PCSK2: variants seen among roughly 807,000 people sequenced by gnomAD.
The protein encoded by PCSK2 is neuroendocrine convertase 2.
PCSK2 carries 14 observed loss-of-function variants against 69.7 expected under a neutral mutation model. The observed-to-expected ratio is 0.20, with a 90% confidence interval of 0.13 to 0.31. The LOEUF (loss-of-function observed/expected upper bound fraction) is 0.31. Ranked by LOEUF, PCSK2 falls within the 10% of genes least tolerant of loss-of-function variation. The probability of loss-of-function intolerance (pLI) is 1.00; values close to 1 mark genes in which losing one functional copy is unlikely to be tolerated. For missense variants in PCSK2, 544 were observed against 842.5 expected, an observed-to-expected ratio of 0.65 and a Z score of 4.39; for synonymous variants, 307 against 320.7, an observed-to-expected ratio of 0.96 and a Z score of 0.46.
intron 5 of PCSK2, among the ~76,000 whole-genome samples, chr20:17,402,837 G>C (rs180783558): frequency 0.013 from 1,944 of 151,540 alleles, 17 homozygotes; most frequent in Non-Finnish European, 0.02. Context: ...GGCTCCTGTA[G>C]TCCCAGCTAC....
At chr20:17,331,239 G>C (rs1347434873) in intron 2 of PCSK2, among the ~76,000 whole-genome samples, 1 of 152,144 alleles carries the variant, frequency 6.6e-6, no homozygotes, top group African/African-American at 2.4e-5. Flanking sequence ...CCTTCATAAA[G>C]TATGTAAAAG....
At chr20:17,301,151 A>G (rs563062923) in intron 2 of PCSK2, among the ~76,000 whole-genome samples, 9 of 152,368 alleles carry the variant, frequency 5.9e-5, no homozygotes, top group Admixed American at 4.6e-4. Flanking sequence ...ATAAGCAAAG[A>G]GAGCAAATGT....
intron 5 of PCSK2, among the ~76,000 whole-genome samples, chr20:17,396,244 C>T (rs1479835474): frequency 6.6e-6 from 1 of 152,194 alleles, no homozygotes; most frequent in Admixed American, 6.5e-5. Context: ...TGACTGTACA[C>T]CCAGTCTTTG....
chr20:17,395,968 A>G lies in PCSK2; in HGVS notation c.544-13295A>G, dbSNP rs114221608. On this transcript the variant is annotated intron_variant, in intron 5 of 11. Coordinates refer to ENST00000262545, the MANE Select transcript of PCSK2 (RefSeq NM_002594.5). ...AACTAGTGTCTCTGTCTCTCTCAGG[A>G]CATCTGGACTCAAAGGTAGTGGCCT... Among the ~76,000 whole-genome samples, 384 of 152,264 alleles carry G rather than the reference A, an allele frequency of 2.5e-3. 4 individuals carry two copies. The highest frequency in any genetic ancestry group is 8.7e-3 in the African/African-American group (360 of 41,548).
chr20:17,354,763 T>C (rs2030136874), intron 2 of PCSK2, among the ~76,000 whole-genome samples: 1 of 152,176 alleles, frequency 6.6e-6, no homozygotes, highest in African/African-American at 2.4e-5. Context: ...TATGGTAGGA[T>C]ACTCAGTGAA....
At chr20:17,295,791 A>G (rs568400223) in intron 2 of PCSK2, among the ~76,000 whole-genome samples, 3 of 152,138 alleles carry the variant, frequency 2.0e-5, no homozygotes, top group Admixed American at 6.5e-5. Context: ...CTTGGCCTCA[A>G]GTGATCCTCC....
intron 6 of PCSK2, among the ~76,000 whole-genome samples, chr20:17,411,921 G>A (rs2031884124): frequency 1.3e-5 from 2 of 152,092 alleles, no homozygotes; most frequent in South Asian, 2.1e-4. Flanking sequence ...GCCTCCAACA[G>A]CCTGCAGCTG....
intron 2 of PCSK2, among the ~76,000 whole-genome samples, chr20:17,274,195 T>C (rs936143603): frequency 6.6e-6 from 1 of 152,140 alleles, no homozygotes; most frequent in African/African-American, 2.4e-5. Flanking sequence ...ATTGAGACTT[T>C]CCCATAAGTT....
intron 2 of PCSK2, among the ~76,000 whole-genome samples, chr20:17,291,141 A>T (rs1480470556): frequency 8.3e-6 from 1 of 121,124 alleles, no homozygotes; most frequent in Non-Finnish European, 1.7e-5. Context: ...TGTGAAGTTT[A>T]AAAAAAAAAA....
At chr20:17,407,376 T>A (rs1344436249) in intron 5 of PCSK2, among the ~76,000 whole-genome samples, 2 of 152,060 alleles carry the variant, frequency 1.3e-5, no homozygotes, top group African/African-American at 2.4e-5. Flanking sequence ...CAAACCAGAT[T>A]GGGCAGATAC....
At chr20:17,241,032 A>C (rs1485151619) in intron 1 of PCSK2, among the ~76,000 whole-genome samples, 1 of 152,192 alleles carries the variant, frequency 6.6e-6, no homozygotes, top group Non-Finnish European at 1.5e-5. Context: ...TCTTTCTAGG[A>C]TCAGTTCGCG....
At chr20:17,251,414 C>T (rs1373275430) in intron 1 of PCSK2, among the ~76,000 whole-genome samples, 3 of 152,140 alleles carry the variant, frequency 2.0e-5, no homozygotes, top group African/African-American at 4.8e-5. Context: ...ATCACAAAAG[C>T]TACAATGTTC....
chr20:17,280,683 T>G (rs934474028), intron 2 of PCSK2, among the ~76,000 whole-genome samples: 11 of 152,224 alleles, frequency 7.2e-5, no homozygotes, highest in African/African-American at 2.7e-4. Context: ...GATTCTCCAT[T>G]AATTCCCCAA....
chr20:17,442,601 C>G (rs2032620358), intron 8 of PCSK2, among the ~76,000 whole-genome samples: 1 of 152,142 alleles, frequency 6.6e-6, no homozygotes, highest in Non-Finnish European at 1.5e-5. Context: ...TCCCTCCCTC[C>G]CTTCTCTGAT....
At chr20:17,476,328 G>A (rs999830976) in intron 11 of PCSK2, among the ~76,000 whole-genome samples, 3 of 152,140 alleles carry the variant, frequency 2.0e-5, no homozygotes, top group Admixed American at 6.5e-5. Context: ...CAGTACAGAC[G>A]CAACCAGCCA....
chr20:17,382,002 C>T (rs1441332868), intron 5 of PCSK2, among the ~76,000 whole-genome samples: 2 of 152,178 alleles, frequency 1.3e-5, no homozygotes, highest in East Asian at 3.9e-4. Context: ...TTAACCACTT[C>T]GATTAATCAC....
chr20:17,300,148 C>T (rs1365232214), intron 2 of PCSK2, among the ~76,000 whole-genome samples: 1 of 152,216 alleles, frequency 6.6e-6, no homozygotes, highest in Non-Finnish European at 1.5e-5. Context: ...GGGATGGTCA[C>T]AACATCCAGC....
intron 2 of PCSK2, among the ~76,000 whole-genome samples, chr20:17,325,044 C>A (rs1391169160): frequency 6.6e-6 from 1 of 152,158 alleles, no homozygotes; most frequent in Admixed American, 6.5e-5. Context: ...TCAGGTCAGC[C>A]TTCCTCGTGG....
chr20:17,228,853 G>T (rs1484737321), intron 1 of PCSK2, among the ~76,000 whole-genome samples: 2 of 152,186 alleles, frequency 1.3e-5, no homozygotes, highest in Non-Finnish European at 2.9e-5. Flanking sequence ...CTCTGGGTCC[G>T]CCGGTGGCGC....
Sources: gnomAD v4.1 joint callset for allele counts (sites outside exome capture counted in the v4.1 genomes callset) on GRCh38, gnomAD v4.1.1 for gene constraint, MANE v1.5 for transcripts, NCBI Gene and HGNC (gene_info 2026-07-23, HGNC 2026-07-21) for gene names.